Variants in DIAPH2 observed in about 807,000 individuals in gnomAD.
DIAPH2 encodes the protein diaphanous related formin 2.
A neutral mutation model predicts 92.7 loss-of-function variants in DIAPH2; 35 were observed. The ratio of observed to expected loss-of-function variants is 0.38; its 90% CI spans 0.29 to 0.50. The LOEUF is 0.50. Ranked by LOEUF, DIAPH2 falls within the 20% of genes least tolerant of loss-of-function variation. The pLI, the probability that DIAPH2 is intolerant of heterozygous loss-of-function variation, is 0.94. For missense variants in DIAPH2, 701 were observed against 819.5 expected (o/e 0.86, Z 1.77); for synonymous variants, 301 against 280.4 (o/e 1.07, Z -0.73).
intron 26 of DIAPH2, among the ~76,000 whole-genome samples, chrX:97,573,538 G>A (rs1334893095): frequency 1.8e-5 from 2 of 111,098 alleles, no homozygotes; most frequent in African/African-American, 6.6e-5. Flanking sequence ...GATAGTTTGG[G>A]GAGAGGGGGA....
chrX:97,382,652 C>T (rs1392477250), intron 24 of DIAPH2, among the ~76,000 whole-genome samples: 1 of 111,522 alleles, frequency 9.0e-6, no homozygotes, highest in Non-Finnish European at 1.9e-5. Flanking sequence ...CTTTGTGCTC[C>T]TAGCCTATTG....
Position 96,844,998 on chromosome X carries a change from A to G in DIAPH2, c.448-36581A>G, listed in dbSNP as rs150325736. The stretch of plus-strand genomic sequence containing the variant: ...AGGAAAATACATTTCTTCTTAGTCT[A>G]TCATTAATCTGGCTTTACATATGGG... On this transcript the variant is annotated intron_variant, in intron 4 of 26. Coordinates refer to ENST00000324765, the MANE Select transcript of DIAPH2 (RefSeq NM_006729.5). Among the ~76,000 whole-genome samples the G allele has an allele frequency of 6.9e-3, 778 of 112,235 alleles. 5 individuals carry two copies. The highest frequency in any genetic ancestry group is 0.024 in the African/African-American group (752 of 31,001).
chrX:96,822,316 G>A (rs937476940), intron 4 of DIAPH2, among the ~76,000 whole-genome samples: 2 of 111,528 alleles, frequency 1.8e-5, no homozygotes, highest in Admixed American at 9.6e-5. Context: ...CCTGAATACT[G>A]TATTCCTTTC....
chrX:96,999,160 A>C (rs992681240), intron 17 of DIAPH2, among the ~76,000 whole-genome samples: 4 of 111,178 alleles, frequency 3.6e-5, no homozygotes, highest in African/African-American at 1.3e-4. Flanking sequence ...TATTTGGTAG[A>C]TGAGGAAACT....
intron 17 of DIAPH2, among the ~76,000 whole-genome samples, chrX:97,053,192 C>A (rs1478043868): frequency 3.6e-5 from 4 of 111,584 alleles, no homozygotes; most frequent in African/African-American, 1.3e-4. Flanking sequence ...GCCTTGAAAA[C>A]TGATGCTCAA....
chrX:97,356,194 CTG>C (rs1454672184), intron 24 of DIAPH2, among the ~76,000 whole-genome samples: 1 of 111,778 alleles, frequency 8.9e-6, no homozygotes, highest in Non-Finnish European at 1.9e-5. Flanking sequence ...AGACTAAAAA[CTG>C]TTTCAACTCC....
At chrX:97,135,460 C>T (rs1313522807) in intron 21 of DIAPH2, among the ~76,000 whole-genome samples, 1 of 111,177 alleles carries the variant, frequency 9.0e-6, no homozygotes, top group Non-Finnish European at 1.9e-5. Flanking sequence ...CGCCCCAACT[C>T]CTTGACCTCC....
At chrX:97,291,469 T>C (rs2068590064) in intron 23 of DIAPH2, among the ~76,000 whole-genome samples, 1 of 111,836 alleles carries the variant, frequency 8.9e-6, no homozygotes, top group Non-Finnish European at 1.9e-5. Flanking sequence ...ATTTTAACTA[T>C]TGTGATGGTA....
chrX:97,396,519 A>C (rs2069705966), intron 25 of DIAPH2, among the ~76,000 whole-genome samples: 1 of 110,805 alleles, frequency 9.0e-6, no homozygotes, highest in Non-Finnish European at 1.9e-5. Context: ...TAAAACTACA[A>C]AAATTAGCTG....
At chrX:97,108,298 C>A (rs1165955431) in intron 20 of DIAPH2, among the ~76,000 whole-genome samples, 1 of 111,657 alleles carries the variant, frequency 9.0e-6, no homozygotes, top group Non-Finnish European at 1.9e-5. Flanking sequence ...CAGCATCCCA[C>A]AGCACTTCAA....
chrX:96,708,036 A>G (rs764640067), intron 1 of DIAPH2, among the ~76,000 whole-genome samples: 1 of 111,176 alleles, frequency 9.0e-6, no homozygotes, highest in Non-Finnish European at 1.9e-5. Context: ...CATGTGTCTG[A>G]GCTCTGGGAG....
intron 22 of DIAPH2, among the ~76,000 whole-genome samples, chrX:97,154,242 C>T (rs2067306168): frequency 9.0e-6 from 1 of 111,425 alleles, no homozygotes; most frequent in African/African-American, 3.3e-5. Context: ...GACTGAGGCT[C>T]AGAAACGTGA....
chrX:97,141,603 C>T, intron 21 of DIAPH2, 62 bp from the exon 22 acceptor site: 1 of 1,062,957 alleles, frequency 9.4e-7, no homozygotes, highest in Non-Finnish European at 1.3e-6. Context: ...TCATTCATTT[C>T]ACTTGTTTAA....
intron 1 of DIAPH2, among the ~76,000 whole-genome samples, chrX:96,697,165 A>G (rs73250715): frequency 4.5e-5 from 5 of 110,286 alleles, no homozygotes; most frequent in African/African-American, 1.6e-4. Context: ...AAATGCTGTC[A>G]GTGCCTTTTA....
Position 97,383,926 on chromosome X carries a change from C to T in DIAPH2, c.3027C>T (p.Asn1009=), listed in dbSNP as rs1317067855. ...RTLFLEAVRE[N]NKRREMEEKT... is the part of the protein sequence containing the mutation. ...ATGTATAGGAAGCAGTGAGAGAAAACAATAAGAGAAGAGAAATGGAAGAGA... is the reference window on the plus strand; with the variant it reads ...ATGTATAGGAAGCAGTGAGAGAAAATAATAAGAGAAGAGAAATGGAAGAGA... The change falls in exon 25 of 27, where the codon AAC becomes AAT. Residue 1009 remains asparagine (N), a synonymous_variant. Transcript: ENST00000324765. 1 of 1,194,078 alleles carries T rather than the reference C, an allele frequency of 8.4e-7. No individual in the cohort carries two copies. The highest frequency in any genetic ancestry group is 1.8e-5 in the African/African-American group (1 of 55,898).
chrX:96,785,637 A>T (rs1410675535), intron 4 of DIAPH2, among the ~76,000 whole-genome samples: 1 of 107,264 alleles, frequency 9.3e-6, no homozygotes, highest in Non-Finnish European at 1.9e-5. Flanking sequence ...ATGCCCTGCT[A>T]GTTTTTTTTT....
intron 1 of DIAPH2, among the ~76,000 whole-genome samples, chrX:96,688,518 G>A (rs2063783068): frequency 9.0e-6 from 1 of 110,515 alleles, no homozygotes; most frequent in African/African-American, 3.3e-5. Context: ...TTGTATTTTT[G>A]TAGAGACGGG....
intron 22 of DIAPH2, among the ~76,000 whole-genome samples, chrX:97,237,378 CT>C (rs778342171): frequency 0.097 from 9,747 of 100,743 alleles, 683 homozygotes; most frequent in African/African-American, 0.24. Flanking sequence ...TCCTGACAAG[CT>C]TTTTTTTTTT....
intron 22 of DIAPH2, among the ~76,000 whole-genome samples, chrX:97,179,142 C>T (rs183952774): frequency 6.3e-5 from 7 of 110,255 alleles, no homozygotes; most frequent in African/African-American, 1.6e-4. Context: ...ACTTGTAAAT[C>T]GGTGTTAGTG....
Sources: gnomAD v4.1 joint callset for allele counts (sites outside exome capture counted in the v4.1 genomes callset) on GRCh38, gnomAD v4.1.1 for gene constraint, MANE v1.5 for transcripts, NCBI Gene and HGNC (gene_info 2026-07-23, HGNC 2026-07-21) for gene names.